Variants in SLIT2 observed in about 807,000 individuals in gnomAD.
SLIT2 encodes slit guidance ligand 2.
SLIT2 carries 41 observed loss-of-function variants against 185.7 expected under a neutral mutation model. The ratio of observed to expected loss-of-function variants is 0.22; its 90% CI spans 0.17 to 0.29. The LOEUF is 0.29. Ranked by LOEUF, SLIT2 falls within the 10% of genes least tolerant of loss-of-function variation. The pLI is 1.00. For synonymous variants in SLIT2, 693 were observed against 680.2 expected, an observed-to-expected ratio of 1.02 and a Z score of -0.29; for missense variants, 1,571 against 1,909.0, an observed-to-expected ratio of 0.82 and a Z score of 3.30.
chr4:20,465,088 G>A (rs937971030), intron 4 of SLIT2, among the ~76,000 whole-genome samples: 3 of 152,038 alleles, frequency 2.0e-5, no homozygotes, highest in African/African-American at 4.8e-5. Context: ...CAATTAAGTC[G>A]GAGGCTAGGA....
chr4:20,359,323 G>T (rs1016773406), intron 4 of SLIT2, among the ~76,000 whole-genome samples: 6 of 152,102 alleles, frequency 3.9e-5, no homozygotes, highest in African/African-American at 1.4e-4. Flanking sequence ...CCAAAGAATG[G>T]TGTGTTTTGG....
At chr4:20,615,290 T>C (rs1011536066) in intron 34 of SLIT2, 1 of 152,190 alleles carries the variant, frequency 6.6e-6, no homozygotes, top group African/African-American at 2.4e-5. Context: ...CACAGCGAGA[T>C]GGACATAGAC....
At chr4:20,274,913 G>A (rs1284284863) in intron 4 of SLIT2, among the ~76,000 whole-genome samples, 1 of 152,082 alleles carries the variant, frequency 6.6e-6, no homozygotes, top group Non-Finnish European at 1.5e-5. Context: ...ATAATATGTG[G>A]TATTTGTGGG....
intron 3 of SLIT2, among the ~76,000 whole-genome samples, chr4:20,261,910 T>C (rs1712518341): frequency 6.6e-6 from 1 of 151,824 alleles, no homozygotes; most frequent in South Asian, 2.1e-4. Context: ...AATGTGTGCT[T>C]TTAAGACAAA....
intron 11 of SLIT2, among the ~76,000 whole-genome samples, chr4:20,515,745 C>A (rs1363322516): frequency 6.6e-6 from 1 of 152,164 alleles, no homozygotes; most frequent in African/African-American, 2.4e-5. Flanking sequence ...GCCCATAACA[C>A]CTTTTTCATG....
At chr4:20,303,596 G>GC (rs1717261089) in intron 4 of SLIT2, among the ~76,000 whole-genome samples, 1 of 151,982 alleles carries the variant, frequency 6.6e-6, no homozygotes, top group Non-Finnish European at 1.5e-5. Context: ...TTGTGGTGTG[G>GC]CCATGAGCAT....
intron 11 of SLIT2, among the ~76,000 whole-genome samples, chr4:20,516,365 ACTAT>A (rs1207764573): frequency 6.6e-6 from 1 of 152,138 alleles, no homozygotes; most frequent in Non-Finnish European, 1.5e-5. Context: ...GTATGTATAT[ACTAT>A]CTATGTGGTA....
chr4:20,519,644 C>T (rs186646091), intron 12 of SLIT2, among the ~76,000 whole-genome samples, 191 bp downstream of exon 12: 1 of 151,902 alleles, frequency 6.6e-6, no homozygotes, highest in African/African-American at 2.4e-5. Context: ...TTGGAATAGT[C>T]CCCAAACCAA....
intron 30 of SLIT2, among the ~76,000 whole-genome samples, chr4:20,590,442 A>G (rs1310124079): frequency 6.6e-6 from 1 of 152,180 alleles, no homozygotes; most frequent in East Asian, 1.9e-4. Flanking sequence ...TACGGTCTGA[A>G]ACAATGATTG....
At chr4:20,373,746 G>A (rs918962256) in intron 4 of SLIT2, among the ~76,000 whole-genome samples, 5 of 151,998 alleles carry the variant, frequency 3.3e-5, no homozygotes, top group African/African-American at 1.2e-4. Context: ...TATCCTGCAG[G>A]AGCTTAGAAT....
intron 4 of SLIT2, among the ~76,000 whole-genome samples, chr4:20,291,928 G>GCA (rs1715985922): frequency 6.6e-6 from 1 of 151,578 alleles, no homozygotes; most frequent in Non-Finnish European, 1.5e-5. Flanking sequence ...GTGTGTGTGT[G>GCA]TGTGTGTGTG....
intron 5 of SLIT2, among the ~76,000 whole-genome samples, chr4:20,479,649 T>C (rs1354037601): frequency 6.6e-6 from 1 of 150,604 alleles, no homozygotes; most frequent in Non-Finnish European, 1.5e-5. Context: ...AAGAGTGTGG[T>C]ACAGATACAA....
chr4:20,387,687 G>A (rs1208869637), intron 4 of SLIT2, among the ~76,000 whole-genome samples: 1 of 152,094 alleles, frequency 6.6e-6, no homozygotes, highest in Non-Finnish European at 1.5e-5. Flanking sequence ...AGGCCCACGG[G>A]CAACAAAAAG....
chr4:20,297,253 G>A (rs567594696), intron 4 of SLIT2, among the ~76,000 whole-genome samples: 6 of 152,238 alleles, frequency 3.9e-5, no homozygotes, highest in East Asian at 3.9e-4. Flanking sequence ...GAAATAGTTC[G>A]TATGTTTACT....
chr4:20,493,892 A>G (rs1718003286), intron 9 of SLIT2, among the ~76,000 whole-genome samples: 1 of 152,248 alleles, frequency 6.6e-6, no homozygotes, highest in African/African-American at 2.4e-5. Flanking sequence ...GGCTTTCAGA[A>G]TTAATGCAAC....
intron 4 of SLIT2, among the ~76,000 whole-genome samples, chr4:20,298,131 C>T (rs866352447): frequency 1.7e-4 from 26 of 151,262 alleles, no homozygotes; most frequent in African/African-American, 5.4e-4. Context: ...TCTTGCTGCC[C>T]GGGCTGGAGT....
intron 8 of SLIT2, among the ~76,000 whole-genome samples, chr4:20,490,448 T>G (rs1290532374): frequency 6.6e-6 from 1 of 151,916 alleles, no homozygotes. Context: ...TATGTGTGGG[T>G]GTGTGTGTAT....
At position 20,584,667 on chromosome 4, in the gene SLIT2, C is replaced by T. The variant is rs562111989; in HGVS notation, c.3089-4977C>T. On this transcript the variant is annotated intron_variant, in intron 29 of 36. Transcript: ENST00000504154. ...TTAGAAGAGTGGGTATCACTTTTGG[C>T]ATGCTCTTTCACAAGTTGTAATAGT... Among the ~76,000 whole-genome samples, 10 of 152,350 alleles carry T rather than the reference C, an allele frequency of 6.6e-5. No individual in the cohort carries two copies. The South Asian group carries it at 8.3e-4, about 13-fold the overall frequency.
intron 5 of SLIT2, among the ~76,000 whole-genome samples, chr4:20,470,111 G>T (rs1273504400): frequency 6.6e-6 from 1 of 152,014 alleles, no homozygotes; most frequent in East Asian, 1.9e-4. Flanking sequence ...GGTTATTAGG[G>T]AAAGAAGATG....
Sources: allele counts gnomAD v4.1 joint callset (sites outside exome capture counted in the v4.1 genomes callset), GRCh38; gene constraint gnomAD v4.1.1; transcripts MANE v1.5; gene names NCBI Gene and HGNC (gene_info 2026-07-23, HGNC 2026-07-21).